SERTAD4: variants seen among roughly 807,000 people sequenced by gnomAD.
SERTAD4 encodes SERTA domain containing 4, also known as SERTA domain-containing protein 4.
A neutral mutation model predicts 32.9 loss-of-function variants in SERTAD4; 18 were observed. The ratio of observed to expected loss-of-function variants is 0.55; its 90% CI spans 0.38 to 0.81. The LOEUF (loss-of-function observed/expected upper bound fraction) is 0.81, where lower values mean the gene tolerates loss of function less well. SERTAD4 is among the 30% of genes least tolerant of loss of function. The probability of loss-of-function intolerance (pLI) is 0.00; values close to 1 mark genes in which losing one functional copy is unlikely to be tolerated. For missense variants in SERTAD4, 383 were observed against 426.0 expected (o/e 0.90, Z 0.89); for synonymous variants, 150 against 156.4 (o/e 0.96, Z 0.30).
At position 210,242,626 on chromosome 1, in the gene SERTAD4, G is replaced by T; in HGVS notation, c.*289G>T. The T allele has an allele frequency of 8.9e-7, 1 of 1,124,268 alleles. No homozygotes were observed. The highest frequency in any genetic ancestry group is 1.1e-6 in the Non-Finnish European group (1 of 920,906). 69.6% of individuals were successfully genotyped at this position (1,124,268 alleles called of 1,614,324 possible). Reference sequence around the variant, plus strand: ...TCAGTAGATGAGATTGGGGGACAATGTGCCCTTGCAATATTTCCATTGCCC... The same window carrying T: ...TCAGTAGATGAGATTGGGGGACAATTTGCCCTTGCAATATTTCCATTGCCC... On this transcript the variant is annotated 3_prime_UTR_variant, in exon 4 of 4. Transcript: ENST00000367012. This position sits in a 1 kb window ranked among gnomAD's most constrained non-coding sequence, Gnocchi z 4.0.
rs57426441 is a variant in SERTAD4, at chr1:210,243,093, CAAA to C, written c.*776_*778del. On this transcript the variant is annotated 3_prime_UTR_variant, in exon 4 of 4. Transcript: ENST00000367012. ...TACAGCAGGGATTTAACAAACAGGACAAAAAAAAAAAAAAAAAAAAAACCACAG... is the reference window on the plus strand; with the variant it reads ...TACAGCAGGGATTTAACAAACAGGACAAAAAAAAAAAAAAAAAAACCACAG... 2.9e-3 allele frequency: 1,423 copies of C among 485,714 alleles called. 3 individuals carry two copies. Among genetic ancestry groups the C allele is most frequent in the East Asian group, 0.023 (98 of 4,182 alleles). The allele number at this position is 485,714 out of a possible 1,614,324, so 30.1% of individuals were successfully genotyped here.
At chr1:210,235,643 G>T (rs966793700) in intron 1 of SERTAD4, among the ~76,000 whole-genome samples, 1 of 151,988 alleles carries the variant, frequency 6.6e-6, no homozygotes, top group African/African-American at 2.4e-5. Flanking sequence ...TGGAAATAAT[G>T]CTAACAAATA....
intron 1 of SERTAD4, among the ~76,000 whole-genome samples, 152 bp downstream of exon 1, chr1:210,233,163 T>C (rs1442788615): frequency 6.6e-6 from 1 of 151,778 alleles, no homozygotes. Context: ...GGTCACCGAG[T>C]GGACTCGCAG....
rs1172891765 is a variant in SERTAD4, at chr1:210,245,520, A to G, written c.*3183A>G. 1 of 152,246 alleles carries G rather than the reference A, an allele frequency of 6.6e-6. No homozygotes were observed. Among genetic ancestry groups the G allele is most frequent in the Non-Finnish European group, 1.5e-5 (1 of 68,070 alleles). 9.4% of individuals were successfully genotyped at this position (152,246 alleles called of 1,614,324 possible). On this transcript the variant is annotated 3_prime_UTR_variant, in exon 4 of 4. Transcript: ENST00000367012. ...GGGTCCTAGGGACAGGATTGCAGGGACAGGGGACATGGGAGGAAGACAGAA... is the reference window on the plus strand; with the variant it reads ...GGGTCCTAGGGACAGGATTGCAGGGGCAGGGGACATGGGAGGAAGACAGAA...
In SERTAD4 at chr1:210,243,146, T is replaced by A. The variant is rs1462375686; in HGVS notation, c.*809T>A. On this transcript the variant is annotated 3_prime_UTR_variant, in exon 4 of 4. Coordinates refer to ENST00000367012, the MANE Select transcript of SERTAD4 (RefSeq NM_019605.5). Reference sequence around the variant, plus strand: ...GGGTGGATCAATATGGTTTGGAAACTGTTAACTTTGAACTATTGTGTTCAG... The same window carrying A: ...GGGTGGATCAATATGGTTTGGAAACAGTTAACTTTGAACTATTGTGTTCAG... 8.2e-6 allele frequency: 8 copies of A among 970,412 alleles called. No individual in the cohort carries two copies. The African/African-American group carries it at 1.1e-4, about 13-fold the overall frequency. 60.1% of individuals were successfully genotyped at this position (970,412 alleles called of 1,614,324 possible).
chr1:210,239,861 G>A (rs1014827893), intron 3 of SERTAD4, among the ~76,000 whole-genome samples: 4 of 152,018 alleles, frequency 2.6e-5, no homozygotes, highest in Non-Finnish European at 5.9e-5. Flanking sequence ...TTTTTTTAAC[G>A]TATGATTTAA....
At chr1:210,238,687 C>T (rs2083967309) in intron 2 of SERTAD4, among the ~76,000 whole-genome samples, 1 of 152,142 alleles carries the variant, frequency 6.6e-6, no homozygotes, top group Non-Finnish European at 1.5e-5. Context: ...AAAAAATTTG[C>T]AACCTATGGC....
rs778405004 is a variant in SERTAD4, at chr1:210,237,929, T to C, written c.-17-15T>C. ...CTGTTTTCTTCATTCTTGTTTTTTT[T>C]TTTTTTCTTTTCAGATCTGAGGCTG... is the stretch of plus-strand genomic sequence containing the variant. On this transcript the variant is annotated splice_polypyrimidine_tract_variant and intron_variant, in intron 1 of 3. Transcript: ENST00000367012. 1.3e-6 allele frequency: 2 copies of C among 1,582,994 alleles called. No individual in the cohort carries two copies. Among genetic ancestry groups the C allele is most frequent in the Admixed American group, 3.7e-5 (2 of 53,376 alleles).
chr1:210,235,213 G>A (rs747469813), intron 1 of SERTAD4, among the ~76,000 whole-genome samples: 9 of 152,108 alleles, frequency 5.9e-5, no homozygotes, highest in Non-Finnish European at 8.8e-5. Flanking sequence ...AATTGCTGAC[G>A]TCAGTAGCAG....
At chr1:210,246,620 A>G (rs2084051084), downstream of SERTAD4, 6 of 985,108 alleles carry the variant, frequency 6.1e-6, no homozygotes, top group Non-Finnish European at 7.2e-6. Flanking sequence ...GAATTTACAC[A>G]AGCTAGTCTG....
chr1:210,237,295 C>G (rs955760336), intron 1 of SERTAD4: 4 of 152,404 alleles, frequency 2.6e-5, no homozygotes, highest in African/African-American at 9.6e-5. Flanking sequence ...CAGTTCAGGC[C>G]GATCAGGGCT....
chr1:210,239,428 G>C, intron 2 of SERTAD4, 65 bp from the exon 3 acceptor site: 1 of 897,600 alleles, frequency 1.1e-6, no homozygotes. Flanking sequence ...GGAAACGAAA[G>C]TATTTTGTTT....
chr1:210,238,053 T>C lies in SERTAD4; in HGVS notation c.93T>C (p.Ala31=), dbSNP rs1335697139. The C allele has an allele frequency of 1.2e-6, 2 of 1,613,994 alleles. No individual in the cohort carries two copies. Among genetic ancestry groups the C allele is most frequent in the South Asian group, 1.1e-5 (1 of 91,064 alleles). Residue 31 remains alanine (A), a synonymous_variant, in exon 2 of 4, where the codon GCT becomes GCC. Transcript: ENST00000367012. The part of the protein sequence containing the change: ...EIAGYQTLWE[A]DSYGGPSPPG... ...CTGGGTACCAAACACTATGGGAGGC[T>C]GACAGCTACGGAGGCCCAAGCCCCC... is the stretch of plus-strand genomic sequence containing the variant.
Position 210,238,088 on chromosome 1 carries a change from C to T in SERTAD4, c.128C>T (p.Ala43Val). 1 of 1,613,356 alleles carries T rather than the reference C, an allele frequency of 6.2e-7. No individual in the cohort carries two copies. Among genetic ancestry groups the T allele is most frequent in the Admixed American group, 1.7e-5 (1 of 59,802 alleles). ...GGAGGCCCAAGCCCCCCAGGGCCAGCACAAGCTCCTTTGCAGGGAGACCGG... is the reference window on the plus strand; with the variant it reads ...GGAGGCCCAAGCCCCCCAGGGCCAGTACAAGCTCCTTTGCAGGGAGACCGG... ...SYGGPSPPGP[A>V]QAPLQGDRGA... Residue 43 changes from alanine (A) to valine (V), a missense_variant, in exon 2 of 4, where the codon GCA (alanine) becomes GTA (valine). This residue lies in a region of SERTAD4 where 96 missense variants were observed against 76.6 expected (regional missense o/e 1.25). Transcript: ENST00000367012.
At position 210,243,105 on chromosome 1, in the gene SERTAD4, A is replaced by C. The variant is rs1271611508; in HGVS notation, c.*768A>C. On this transcript the variant is annotated 3_prime_UTR_variant, in exon 4 of 4. Coordinates refer to ENST00000367012, the MANE Select transcript of SERTAD4 (RefSeq NM_019605.5). ...TTAACAAACAGGACAAAAAAAAAAA[A>C]AAAAAAAAAACCACAGGGTGGATCA... 4.2e-6 allele frequency: 4 copies of C among 953,748 alleles called. No individual in the cohort carries two copies. The highest frequency in any genetic ancestry group is 4.9e-6 in the Non-Finnish European group (4 of 813,014). 59.1% of individuals were successfully genotyped at this position (953,748 alleles called of 1,614,324 possible).
At position 210,243,093 on chromosome 1, in the gene SERTAD4, C is replaced by CAA. The variant is rs57426441; in HGVS notation, c.*777_*778dup. On this transcript the variant is annotated 3_prime_UTR_variant, in exon 4 of 4. Transcript: ENST00000367012. ...TACAGCAGGGATTTAACAAACAGGA[C>CAA]AAAAAAAAAAAAAAAAAAAAAACCA... 0.14 allele frequency: 60,570 copies of CAA among 441,840 alleles called. 1,125 individuals carry two copies. The highest frequency in any genetic ancestry group is 0.23 in the Admixed American group (1,162 of 5,118). 27.4% of individuals were successfully genotyped at this position (441,840 alleles called of 1,614,324 possible). A position where few individuals can be genotyped will look rare whatever the true frequency, so the allele number is the denominator to read the frequency against.
chr1:210,239,339 C>T (rs895858254), intron 2 of SERTAD4, among the ~76,000 whole-genome samples, 154 bp from the exon 3 acceptor site: 20 of 152,150 alleles, frequency 1.3e-4, no homozygotes, highest in African/African-American at 4.8e-4. Flanking sequence ...CATATGATAG[C>T]AACTATTAAG....
rs1238432373 is a variant in SERTAD4 at position 210,241,890 on chromosome 1, T to A, written c.624T>A (p.Ala208=). The A allele has an allele frequency of 1.9e-6, 3 of 1,614,154 alleles. No homozygotes were observed. The highest frequency in any genetic ancestry group is 2.5e-6 in the Non-Finnish European group (3 of 1,180,010). Residue 208 remains alanine (A), a synonymous_variant, in exon 4 of 4, where the codon GCT becomes GCA. Coordinates refer to ENST00000367012, the MANE Select transcript of SERTAD4 (RefSeq NM_019605.5). ...HYLNLPLSVN[A]NVGSASTAAS... is the part of the protein sequence containing the mutation. ...TAAATTTACCCCTTTCTGTCAATGC[T>A]AATGTTGGAAGTGCCTCCACTGCTG...
At chr1:210,235,588 T>G (rs958053564) in intron 1 of SERTAD4, among the ~76,000 whole-genome samples, 3 of 150,464 alleles carry the variant, frequency 2.0e-5, no homozygotes, top group Non-Finnish European at 4.4e-5. Flanking sequence ...CCAAGATAAA[T>G]ACTGTTATGC....
Sources: gnomAD v4.1 joint callset for allele counts (sites outside exome capture counted in the v4.1 genomes callset) on GRCh38, gnomAD v4.1.1 for gene constraint, gnomAD v4.1.1 regional missense constraint, Gnocchi (gnomAD v3.1) non-coding constraint, MANE v1.5 for transcripts, NCBI Gene and HGNC (gene_info 2026-07-23, HGNC 2026-07-21) for gene names.